The following NXPH1 variants were observed in gnomAD, a reference collection of about 807,000 sequenced individuals.
The protein encoded by NXPH1 is neurexophilin-1.
NXPH1 carries 5 observed loss-of-function variants against 23.7 expected under a neutral mutation model. The observed-to-expected ratio is 0.21, with a 90% CI of 0.11 to 0.44. NXPH1 has a LOEUF of 0.44. NXPH1 is among the 20% of genes least tolerant of loss of function. NXPH1 has a pLI of 0.99. For missense variants in NXPH1, 324 were observed against 321.6 expected, an observed-to-expected ratio of 1.01 and a Z score of -0.06; for synonymous variants, 144 against 122.2, an observed-to-expected ratio of 1.18 and a Z score of -1.18.
chr7:8,663,086 A>C (rs555763259), intron 2 of NXPH1, among the ~76,000 whole-genome samples: 2 of 152,156 alleles, frequency 1.3e-5, no homozygotes, highest in South Asian at 4.1e-4. Context: ...ATTGATGACA[A>C]AGTCAGAGGG....
chr7:8,450,040 A>G (rs1816478087), intron 2 of NXPH1, among the ~76,000 whole-genome samples: 1 of 152,230 alleles, frequency 6.6e-6, no homozygotes, highest in South Asian at 2.1e-4. Flanking sequence ...GTCTCAGGGT[A>G]AGGTAAGAAG....
chr7:8,660,402 G>T (rs4720787), intron 2 of NXPH1, among the ~76,000 whole-genome samples: 2 of 152,004 alleles, frequency 1.3e-5, no homozygotes, highest in African/African-American at 4.8e-5. Flanking sequence ...ACGGGTGAAA[G>T]TTTTGAAAAG....
intron 2 of NXPH1, among the ~76,000 whole-genome samples, chr7:8,524,830 A>G (rs905517277): frequency 7.2e-5 from 11 of 152,192 alleles, no homozygotes; most frequent in Non-Finnish European, 1.2e-4. Flanking sequence ...CATGATTCTA[A>G]GGCCTCCACA....
intron 2 of NXPH1, among the ~76,000 whole-genome samples, chr7:8,648,410 G>A (rs1434966511): frequency 6.6e-6 from 1 of 152,170 alleles, no homozygotes; most frequent in Non-Finnish European, 1.5e-5. Flanking sequence ...GTGAGAATAT[G>A]TGATGTTTGT....
In NXPH1 at chr7:8,710,821, C is replaced by A. The variant is rs1188836017; in HGVS notation, c.55-40187C>A. On this transcript the variant is annotated intron_variant, in intron 2 of 2. Transcript: ENST00000405863. ...GGGACTACAGGCGCCCGCCACCGCG[C>A]CCGGCTAATTTTTTGTATTTTTAGT... Among the ~76,000 whole-genome samples, 2 of 137,214 alleles carry A rather than the reference C, an allele frequency of 1.5e-5. 1 individual carries two copies. Among genetic ancestry groups the A allele is most frequent in the Non-Finnish European group, 3.0e-5 (2 of 66,304 alleles). The allele number at this position is 137,214 out of a possible 152,430, so 90.0% of individuals were successfully genotyped here.
chr7:8,662,915 G>A (rs546269670), intron 2 of NXPH1, among the ~76,000 whole-genome samples: 1 of 147,566 alleles, frequency 6.8e-6, no homozygotes, highest in African/African-American at 2.6e-5. Context: ...AACAAGTGAG[G>A]ACATTTCTGT....
chr7:8,470,315 T>C (rs1584176690), intron 2 of NXPH1, among the ~76,000 whole-genome samples: 3 of 152,180 alleles, frequency 2.0e-5, no homozygotes, highest in Admixed American at 6.5e-5. Context: ...TGTTAATACA[T>C]GTCAACCAAG....
chr7:8,511,343 C>A (rs947718884), intron 2 of NXPH1, among the ~76,000 whole-genome samples: 2 of 152,074 alleles, frequency 1.3e-5, no homozygotes, highest in South Asian at 2.1e-4. Context: ...GGCTGCCAGC[C>A]ACAATTTTGC....
At chr7:8,542,187 A>G (rs1028368249) in intron 2 of NXPH1, among the ~76,000 whole-genome samples, 2 of 151,606 alleles carry the variant, frequency 1.3e-5, no homozygotes, top group African/African-American at 4.8e-5. Context: ...TGGGTTGGCT[A>G]TATTTAATAT....
chr7:8,740,583 T>TACTGGGTTAAGAGAGAG (rs1276739705), intron 2 of NXPH1, among the ~76,000 whole-genome samples: 1 of 152,224 alleles, frequency 6.6e-6, no homozygotes, highest in Admixed American at 6.5e-5. Context: ...TCCTGGAGCC[T>TACTGGGTTAAGAGAGAG]ACTGGGTTAA....
chr7:8,696,994 C>T (rs1294932164), intron 2 of NXPH1, among the ~76,000 whole-genome samples: 1 of 150,812 alleles, frequency 6.6e-6, no homozygotes, highest in Non-Finnish European at 1.5e-5. Flanking sequence ...CCTGTCTCTA[C>T]TAAAAATACA....
chr7:8,634,676 T>C (rs59335844), intron 2 of NXPH1, among the ~76,000 whole-genome samples: 1 of 81,966 alleles, frequency 1.2e-5, no homozygotes, highest in African/African-American at 5.6e-5. Context: ...TTTTTTTTTT[T>C]TTTTTTTTTT....
intron 2 of NXPH1, among the ~76,000 whole-genome samples, chr7:8,732,040 C>G (rs1313175941): frequency 1.3e-5 from 2 of 152,248 alleles, no homozygotes; most frequent in South Asian, 2.1e-4. Context: ...ATATAATCTC[C>G]TGGTGCGCCA....
intron 2 of NXPH1, among the ~76,000 whole-genome samples, chr7:8,634,713 T>A (rs1820192325): frequency 1.5e-5 from 2 of 136,926 alleles, no homozygotes; most frequent in South Asian, 5.3e-4. Flanking sequence ...GCAGCCTCAC[T>A]TCACCATGTG....
intron 2 of NXPH1, among the ~76,000 whole-genome samples, chr7:8,730,635 C>A (rs1490268272): frequency 4.5e-4 from 69 of 152,240 alleles, no homozygotes; most frequent in Admixed American, 3.1e-3. Flanking sequence ...TCTGGGTTGA[C>A]AATTCTTTTC....
intron 2 of NXPH1, among the ~76,000 whole-genome samples, chr7:8,502,173 A>G (rs1817448050): frequency 6.6e-6 from 1 of 152,036 alleles, no homozygotes; most frequent in South Asian, 2.1e-4. Flanking sequence ...TACAGTGATA[A>G]TGTCTTTACT....
intron 2 of NXPH1, among the ~76,000 whole-genome samples, chr7:8,703,146 G>C (rs1229499776): frequency 1.3e-5 from 2 of 152,140 alleles, no homozygotes; most frequent in African/African-American, 4.8e-5. Flanking sequence ...CCCCAAATCA[G>C]CCTCATCATA....
At chr7:8,730,124 T>C (rs1182970758) in intron 2 of NXPH1, among the ~76,000 whole-genome samples, 1 of 150,840 alleles carries the variant, frequency 6.6e-6, no homozygotes, top group African/African-American at 2.4e-5. Flanking sequence ...TGATCTTTGT[T>C]GGTTTAAAGT....
At chr7:8,637,238 T>TTTTTA (rs1820231011) in intron 2 of NXPH1, among the ~76,000 whole-genome samples, 3 of 151,606 alleles carry the variant, frequency 2.0e-5, no homozygotes, top group African/African-American at 7.3e-5. Context: ...TTTTTTTTTT[T>TTTTTA]GAGAGAGAGG....
Sources: gnomAD v4.1 joint callset for allele counts (sites outside exome capture counted in the v4.1 genomes callset) on GRCh38, gnomAD v4.1.1 for gene constraint, MANE v1.5 for transcripts, NCBI Gene and HGNC (gene_info 2026-07-23, HGNC 2026-07-21) for gene names.